Variants in SBNO2 observed in about 807,000 individuals in gnomAD.
SBNO2 encodes protein strawberry notch homolog 2.
A neutral mutation model predicts 146.3 loss-of-function variants in SBNO2; 89 were observed. The ratio of observed to expected loss-of-function variants is 0.61; its 90% CI spans 0.51 to 0.73. The LOEUF (loss-of-function observed/expected upper bound fraction) is 0.73. Among genes scored for constraint, SBNO2 ranks in the 30% least tolerant of loss-of-function variants. SBNO2 has a pLI of 0.00. For missense variants in SBNO2, 2,092 were observed against 2,003.7 expected, an observed-to-expected ratio of 1.04 and a Z score of -0.84; for synonymous variants, 1,147 against 892.6, an observed-to-expected ratio of 1.29 and a Z score of -5.08.
rs1414646789 is a variant in SBNO2, at chr19:1,157,394, C to T, written c.-126-2992G>A. Among the ~76,000 whole-genome samples, 2 of 150,584 alleles carry T rather than the reference C, an allele frequency of 1.3e-5. No individual in the cohort carries two copies. Among genetic ancestry groups the T allele is most frequent in the Admixed American group, 6.6e-5 (1 of 15,176 alleles). On this transcript the variant is annotated intron_variant, in intron 1 of 31. Transcript: ENST00000361757. This position sits in a 1 kb window ranked among gnomAD's most constrained non-coding sequence, Gnocchi z 6.8. ...ACCCTCTGCCACGCAGCCCCGGAGA[C>T]GCTCTCCCCACGCGGCCCCGGAGAC... is the stretch of plus-strand genomic sequence containing the variant.
chr19:1,169,032 T>C (rs1481354751), intron 1 of SBNO2: 3 of 152,390 alleles, frequency 2.0e-5, no homozygotes, highest in African/African-American at 7.2e-5. Context: ...CGGTTTCACT[T>C]GGACGCTTGT....
rs1447172671 is a variant in SBNO2 at position 1,122,265 on chromosome 19, G to A, written c.1023C>T (p.Thr341=). 2.5e-6 allele frequency: 4 copies of A among 1,572,710 alleles called. No individual in the cohort carries two copies. Among genetic ancestry groups the A allele is most frequent in the African/African-American group, 1.4e-5 (1 of 73,876 alleles). Residue 341 remains threonine (T), a synonymous_variant, in exon 11 of 32, where the codon ACC becomes ACT. Coordinates refer to ENST00000361757, the MANE Select transcript of SBNO2 (RefSeq NM_014963.3). ...HALSKIKYGD[T]TTSEGVLFAT... is the part of the protein sequence containing the mutation. ...CGAAGAGGACGCCCTCTGAGGTAGT[G>A]GTGTCACCGTACTTGATCTGGGGAT...
Position 1,110,842 on chromosome 19 carries a change from C to A in SBNO2, c.2931G>T (p.Val977=). ...ACTGGAACAGGGCGTTCTGCTTGTG[C>A]ACCTCCAGCCCCAGGATGCGGTTCA... The part of the protein sequence containing the change: ...KFLNRILGLE[V]HKQNALFQYF... The change falls in exon 26 of 32, where the codon GTG becomes GTT. Residue 977 remains valine (V), a synonymous_variant. Transcript: ENST00000361757. This position sits in a 1 kb window ranked among gnomAD's most constrained non-coding sequence, Gnocchi z 4.9. The A allele has an allele frequency of 6.2e-7, 1 of 1,613,694 alleles. No individual in the cohort carries two copies. The highest frequency in any genetic ancestry group is 8.5e-7 in the Non-Finnish European group (1 of 1,179,718).
Position 1,109,276 on chromosome 19 carries a change from C to A in SBNO2, c.3348+16G>T. ...GCCGGCAACCCGAGCGAAAGCTGCG[C>A]CCGGCGGCCGCCTACCCGGTGGAAC... On this transcript the variant is annotated intron_variant, in intron 29 of 31. Transcript: ENST00000361757. The surrounding 1 kb of genome is among the most constrained non-coding windows in gnomAD (Gnocchi z 4.2). The A allele has an allele frequency of 6.3e-7, 1 of 1,585,316 alleles. No individual in the cohort carries two copies. The highest frequency in any genetic ancestry group is 8.6e-7 in the Non-Finnish European group (1 of 1,166,660).
chr19:1,137,169 G>T (rs1246650885), intron 4 of SBNO2, among the ~76,000 whole-genome samples: 1 of 144,148 alleles, frequency 6.9e-6, no homozygotes, highest in African/African-American at 2.7e-5. Context: ...ACAGGCTGGG[G>T]AGAGGCTTGG....
Position 1,124,037 on chromosome 19 carries a change from G to A in SBNO2, c.442-15C>T. ...AGCTGGAACAGCTGGAAGGGGAGCA[G>A]GATGTCAGCCCGGGCCAGACGGGAC... On this transcript the variant is annotated splice_polypyrimidine_tract_variant and intron_variant, in intron 5 of 31. Transcript: ENST00000361757. 6.2e-7 allele frequency: 1 copy of A among 1,608,166 alleles called. No homozygotes were observed. The highest frequency in any genetic ancestry group is 8.5e-7 in the Non-Finnish European group (1 of 1,177,882).
At chr19:1,124,951 G>A (rs1434807665) in intron 5 of SBNO2, among the ~76,000 whole-genome samples, 1 of 152,066 alleles carries the variant, frequency 6.6e-6, no homozygotes, top group Non-Finnish European at 1.5e-5. Context: ...TGTGGACCCC[G>A]GGACGGATGG....
chr19:1,169,711 C>T (rs893341405), intron 1 of SBNO2, among the ~76,000 whole-genome samples: 2 of 152,204 alleles, frequency 1.3e-5, no homozygotes, highest in African/African-American at 4.8e-5. Flanking sequence ...CCGTGCTCAA[C>T]CCTGTGGTGA....
intron 18 of SBNO2, 61 bp from the exon 19 acceptor site, chr19:1,113,765 C>T (rs2079797302): frequency 7.1e-7 from 1 of 1,405,252 alleles, no homozygotes; most frequent in Middle Eastern, 2.3e-4. Context: ...GCCCACCTAA[C>T]TCAAGGCTGG....
chr19:1,151,943 G>A (rs762781059), intron 2 of SBNO2, among the ~76,000 whole-genome samples: 2 of 152,164 alleles, frequency 1.3e-5, no homozygotes, highest in African/African-American at 4.8e-5. Flanking sequence ...GATTTCAGGC[G>A]TGAACCATTG....
At position 1,111,107 on chromosome 19, in the gene SBNO2, G is replaced by C; in HGVS notation, c.2810-14C>G. 6.5e-7 allele frequency: 1 copy of C among 1,543,350 alleles called. No homozygotes were observed. Among genetic ancestry groups the C allele is most frequent in the Non-Finnish European group, 8.7e-7 (1 of 1,146,626 alleles). On this transcript the variant is annotated splice_polypyrimidine_tract_variant and intron_variant, in intron 24 of 31. Transcript: ENST00000361757. ...CCTGCTTCATGTCTGCGGGGAGAGG[G>C]GCCTCACATGCTGGTCTTCCCACCC...
intron 5 of SBNO2, among the ~76,000 whole-genome samples, chr19:1,125,481 A>G (rs1466662172): frequency 2.0e-5 from 3 of 151,880 alleles, no homozygotes; most frequent in African/African-American, 7.3e-5. Context: ...GACCAGCCTG[A>G]CCAAAATGGA....
At chr19:1,114,191 C>T (rs1215808349) in intron 18 of SBNO2, 40 bp downstream of exon 18, 2 of 1,410,708 alleles carry the variant, frequency 1.4e-6, no homozygotes, top group Non-Finnish European at 1.9e-6. Flanking sequence ...GACTGGAATC[C>T]TGACCCACAG....
chr19:1,119,626 G>C lies in SBNO2; in HGVS notation c.1268-5C>G, dbSNP rs756197838. On this transcript the variant is annotated splice_polypyrimidine_tract_variant and splice_region_variant and intron_variant, in intron 12 of 31. Transcript: ENST00000361757. ...TGTTCCGAGGCTCAGAGGCACCTGT[G>C]GGGGGAAGCTGCCGTCAGCTCCCCA... is the stretch of plus-strand genomic sequence containing the variant. 127 of 1,600,856 alleles carry C rather than the reference G, an allele frequency of 7.9e-5. No individual in the cohort carries two copies. The highest frequency in any genetic ancestry group is 4.9e-4 in the Admixed American group (29 of 58,778).
intron 1 of SBNO2, among the ~76,000 whole-genome samples, chr19:1,162,931 C>T (rs7253860): frequency 0.47 from 71,824 of 152,054 alleles, 17,511 homozygotes; most frequent in African/African-American, 0.58. Context: ...GCAGGGCCAC[C>T]AATGTGGACG....
In SBNO2 at chr19:1,119,642, C is replaced by T. The variant is rs1328049215; in HGVS notation, c.1268-21G>A. 4.4e-6 allele frequency: 7 copies of T among 1,581,672 alleles called. No individual in the cohort carries two copies. In the South Asian group the frequency reaches 5.7e-5, roughly 13 times the overall value. On this transcript the variant is annotated intron_variant, in intron 12 of 31. Coordinates refer to ENST00000361757, the MANE Select transcript of SBNO2 (RefSeq NM_014963.3). ...GGCACCTGTGGGGGGAAGCTGCCGT[C>T]AGCTCCCCAACCCGGGAGGGCCCAG...
At position 1,110,797 on chromosome 19, in the gene SBNO2, G is replaced by C. The variant is rs778650358; in HGVS notation, c.2976C>G (p.Asp992Glu). ...ALFQYFSDTFDHLIEMDKREG... is the reference protein window; with the variant it reads ...ALFQYFSDTFEHLIEMDKREG... ...CCCGCTTGTCCATCTCGATGAGGTG[G>C]TCGAAGGTGTCTGAGAAGTACTGGA... Residue 992 changes from aspartate to glutamate, a missense_variant, in exon 26 of 32, where the codon GAC (aspartate) becomes GAG (glutamate). Coordinates refer to ENST00000361757, the MANE Select transcript of SBNO2 (RefSeq NM_014963.3). This position sits in a 1 kb window ranked among gnomAD's most constrained non-coding sequence, Gnocchi z 4.9. 2.5e-6 allele frequency: 4 copies of C among 1,613,666 alleles called. No individual in the cohort carries two copies. The highest frequency in any genetic ancestry group is 2.7e-5 in the African/African-American group (2 of 74,976).
chr19:1,108,738 TG>T, intron 31 of SBNO2, 34 bp from the exon 32 acceptor site: 3 of 1,584,432 alleles, frequency 1.9e-6, no homozygotes, highest in East Asian at 2.3e-5. Context: ...GGGCCGGCGC[TG>T]GGGGCTCGGG....
intron 1 of SBNO2, among the ~76,000 whole-genome samples, chr19:1,172,334 C>G (rs1438306449): frequency 6.6e-6 from 1 of 152,216 alleles, no homozygotes; most frequent in Non-Finnish European, 1.5e-5. Flanking sequence ...CCTTTCTCGG[C>G]AAGAACTCTG....
Sources: allele counts gnomAD v4.1 joint callset (sites outside exome capture counted in the v4.1 genomes callset), GRCh38; gene constraint gnomAD v4.1.1; non-coding constraint Gnocchi (gnomAD v3.1); transcripts MANE v1.5; gene names NCBI Gene and HGNC (gene_info 2026-07-23, HGNC 2026-07-21).